LRRC4C: variants seen among roughly 807,000 people sequenced by gnomAD.
LRRC4C encodes the protein leucine-rich repeat-containing protein 4C.
A neutral mutation model predicts 33.6 loss-of-function variants in LRRC4C; 5 were observed. The observed-to-expected ratio is 0.15, with a 90% CI of 0.08 to 0.31. The LOEUF (loss-of-function observed/expected upper bound fraction) is 0.31. LRRC4C is among the 10% of genes least tolerant of loss of function. The pLI is 1.00. For missense variants in LRRC4C, 560 were observed against 796.7 expected, an observed-to-expected ratio of 0.70 and a Z score of 3.58; for synonymous variants, 329 against 302.0, an observed-to-expected ratio of 1.09 and a Z score of -0.93.
intron 1 of LRRC4C, among the ~76,000 whole-genome samples, chr11:41,145,332 T>C (rs1017335817): frequency 1.3e-5 from 2 of 152,208 alleles, no homozygotes; most frequent in South Asian, 2.1e-4. Flanking sequence ...TTTCTTATTA[T>C]GTTTTTTAAA....
chr11:40,791,148 C>T (rs951302670), intron 2 of LRRC4C, among the ~76,000 whole-genome samples: 1 of 152,152 alleles, frequency 6.6e-6, no homozygotes, highest in African/African-American at 2.4e-5. Context: ...TGAATTTGCT[C>T]ATTCCTTGCT....
chr11:41,270,635 T>C (rs11036333), intron 1 of LRRC4C, among the ~76,000 whole-genome samples: 6,918 of 152,190 alleles, frequency 0.045, 200 homozygotes, highest in South Asian at 0.074. Context: ...CAGTGGGGCT[T>C]ATAGAAGACA....
rs147115257 is a variant in LRRC4C, at chr11:40,837,046, G to A, written c.-407+96589C>T. On this transcript the variant is annotated intron_variant, in intron 2 of 6. Transcript: ENST00000528697. The stretch of plus-strand genomic sequence containing the variant: ...ACTCTTAAAGAACGGTGTTAAAATC[G>A]GTTTGTTTGTATTGGACATTTTACT... Among the ~76,000 whole-genome samples, 1,207 of 152,070 alleles carry A rather than the reference G, an allele frequency of 7.9e-3. 11 individuals carry two copies. The highest frequency in any genetic ancestry group is 0.021 in the South Asian group (99 of 4,820).
intron 2 of LRRC4C, among the ~76,000 whole-genome samples, chr11:40,859,398 G>A (rs1017880667): frequency 6.6e-6 from 1 of 151,952 alleles, no homozygotes; most frequent in African/African-American, 2.4e-5. Context: ...TGTATATCTA[G>A]CATGCAGTAG....
intron 3 of LRRC4C, among the ~76,000 whole-genome samples, chr11:40,328,091 A>G (rs1271060716): frequency 1.3e-5 from 2 of 152,124 alleles, no homozygotes; most frequent in Non-Finnish European, 2.9e-5. Flanking sequence ...TATATTTTAA[A>G]AGAATTTGGT....
intron 2 of LRRC4C, among the ~76,000 whole-genome samples, chr11:40,775,105 G>A (rs767742068): frequency 3.4e-4 from 52 of 151,934 alleles, no homozygotes; most frequent in Non-Finnish European, 7.2e-4. Context: ...AGTTTTTAAT[G>A]TAGTGGACAA....
intron 2 of LRRC4C, among the ~76,000 whole-genome samples, chr11:40,928,504 T>C (rs991205421): frequency 2.0e-5 from 3 of 152,016 alleles, no homozygotes; most frequent in Admixed American, 6.6e-5. Context: ...AGGTAATCTA[T>C]ATTTTTAAAA....
chr11:40,884,385 T>C (rs1955333074), intron 2 of LRRC4C, among the ~76,000 whole-genome samples: 2 of 152,144 alleles, frequency 1.3e-5, no homozygotes, highest in South Asian at 4.1e-4. Flanking sequence ...TGTGTGCATG[T>C]TTATTTGTAG....
At chr11:40,802,068 T>C (rs1951065864) in intron 2 of LRRC4C, among the ~76,000 whole-genome samples, 2 of 152,196 alleles carry the variant, frequency 1.3e-5, no homozygotes, top group South Asian at 4.1e-4. Context: ...AAAATACCTG[T>C]ACCTGAGTAA....
intron 3 of LRRC4C, among the ~76,000 whole-genome samples, chr11:40,490,719 C>A (rs1366463305): frequency 6.6e-6 from 1 of 152,138 alleles, no homozygotes; most frequent in African/African-American, 2.4e-5. Context: ...CAGCCTCCAT[C>A]TCTTCACTTC....
chr11:41,207,901 C>T (rs1946664715), intron 1 of LRRC4C, among the ~76,000 whole-genome samples: 1 of 152,162 alleles, frequency 6.6e-6, no homozygotes. Flanking sequence ...GTAGAAGTGG[C>T]TTTGACCCTG....
intron 1 of LRRC4C, among the ~76,000 whole-genome samples, chr11:41,240,508 GAT>G (rs1191059735): frequency 5.9e-5 from 9 of 152,140 alleles, no homozygotes; most frequent in Non-Finnish European, 2.9e-5. Flanking sequence ...TATATAATGG[GAT>G]ACTGTTTTGA....
intron 2 of LRRC4C, among the ~76,000 whole-genome samples, chr11:40,932,330 T>C (rs1190936659): frequency 6.6e-6 from 1 of 152,120 alleles, no homozygotes; most frequent in African/African-American, 2.4e-5. Flanking sequence ...AATAGATCCT[T>C]CTTCTATGGA....
intron 1 of LRRC4C, among the ~76,000 whole-genome samples, chr11:41,037,042 T>C (rs946909159): frequency 2.0e-5 from 3 of 152,180 alleles, no homozygotes; most frequent in African/African-American, 7.2e-5. Flanking sequence ...TGCCTAGTTT[T>C]GTGCTCAAAA....
intron 1 of LRRC4C, among the ~76,000 whole-genome samples, chr11:41,216,042 C>T (rs1001186749): frequency 6.6e-6 from 1 of 152,152 alleles, no homozygotes; most frequent in African/African-American, 2.4e-5. Context: ...TCTTACATTA[C>T]CTAATTTTGG....
chr11:40,578,848 AT>A (rs541001162), intron 3 of LRRC4C, among the ~76,000 whole-genome samples: 1 of 152,256 alleles, frequency 6.6e-6, no homozygotes, highest in East Asian at 1.9e-4. Context: ...CTGTTTATTT[AT>A]TTTTTTATTG....
chr11:41,099,356 A>G (rs1166557081), intron 1 of LRRC4C, among the ~76,000 whole-genome samples: 1 of 151,680 alleles, frequency 6.6e-6, no homozygotes, highest in East Asian at 1.9e-4. Context: ...CATCATCCTG[A>G]TACCAAAACC....
rs556888921 is a variant in LRRC4C, at chr11:40,518,905, T to C, written c.-270+129237A>G. Reference sequence around the variant, plus strand: ...GTGGCACATATACACCATGGAATACTATGCAGCCACAAAAAAGGATGAGGT... The same window carrying C: ...GTGGCACATATACACCATGGAATACCATGCAGCCACAAAAAAGGATGAGGT... On this transcript the variant is annotated intron_variant, in intron 3 of 6. Transcript: ENST00000528697. Among the ~76,000 whole-genome samples, 46 of 152,326 alleles carry C rather than the reference T, an allele frequency of 3.0e-4. 1 individual carries two copies. The highest frequency in any genetic ancestry group is 3.4e-3 in the Middle Eastern group (1 of 294).
intron 3 of LRRC4C, among the ~76,000 whole-genome samples, chr11:40,321,984 A>G (rs913325100): frequency 5.3e-5 from 8 of 152,162 alleles, no homozygotes; most frequent in Admixed American, 4.6e-4. Flanking sequence ...AAGTACTATG[A>G]CAGGTGGTTG....
Sources: gnomAD v4.1 joint callset for allele counts (sites outside exome capture counted in the v4.1 genomes callset) on GRCh38, gnomAD v4.1.1 for gene constraint, MANE v1.5 for transcripts, NCBI Gene and HGNC (gene_info 2026-07-23, HGNC 2026-07-21) for gene names.